NAALADL2: variants seen among roughly 807,000 people sequenced by gnomAD.
NAALADL2 encodes inactive N-acetylated-alpha-linked acidic dipeptidase-like protein 2.
In NAALADL2, 76 loss-of-function variants were observed where a neutral mutation model predicts 87.2. That is an observed-to-expected ratio of 0.87 (90% CI 0.72 to 1.05). The LOEUF is 1.05. Among genes scored for constraint, NAALADL2 ranks in the 50% least tolerant of loss-of-function variants. The probability of loss-of-function intolerance (pLI) is 0.00; values close to 1 mark genes in which losing one functional copy is unlikely to be tolerated. For missense variants in NAALADL2, 1,089 were observed against 945.8 expected (o/e 1.15, Z -1.99); for synonymous variants, 354 against 331.0 (o/e 1.07, Z -0.75).
intron 4 of NAALADL2, among the ~76,000 whole-genome samples, chr3:175,314,677 T>TAC (rs1758845473): frequency 3.0e-4 from 2 of 6,738 alleles, no homozygotes; most frequent in Admixed American, 1.5e-3. Flanking sequence ...TATATATATA[T>TAC]ATATATATAT....
chr3:175,125,014 T>A (rs575702782), intron 2 of NAALADL2, among the ~76,000 whole-genome samples: 16 of 151,982 alleles, frequency 1.1e-4, no homozygotes, highest in African/African-American at 3.9e-4. Flanking sequence ...TAGGGAGAAG[T>A]AGATCGTATA....
chr3:175,157,111 A>T (rs1458604601), intron 2 of NAALADL2, among the ~76,000 whole-genome samples: 1 of 104,286 alleles, frequency 9.6e-6, no homozygotes, highest in Non-Finnish European at 1.8e-5. Flanking sequence ...GTACTTAGTT[A>T]AAAAAAAGTC....
intron 12 of NAALADL2, among the ~76,000 whole-genome samples, chr3:175,743,796 C>T (rs1334911231): frequency 1.3e-5 from 2 of 152,132 alleles, no homozygotes; most frequent in South Asian, 2.1e-4. Flanking sequence ...AGAGTGCAGA[C>T]ATTGGTAAGG....
intron 2 of NAALADL2, among the ~76,000 whole-genome samples, chr3:174,716,730 A>G (rs1731228632): frequency 1.3e-5 from 2 of 152,060 alleles, no homozygotes; most frequent in Admixed American, 1.3e-4. Flanking sequence ...ATATATATCC[A>G]CACACCTACA....
chr3:175,493,362 C>CA (rs1278914244), intron 9 of NAALADL2, among the ~76,000 whole-genome samples: 4 of 152,034 alleles, frequency 2.6e-5, no homozygotes, highest in Admixed American at 6.6e-5. Flanking sequence ...CTGAAGTTGT[C>CA]AAAACTGTAG....
At chr3:175,656,367 T>C (rs1731463680) in intron 11 of NAALADL2, among the ~76,000 whole-genome samples, 1 of 152,212 alleles carries the variant, frequency 6.6e-6, no homozygotes, top group Non-Finnish European at 1.5e-5. Flanking sequence ...GAACTTTTCT[T>C]TGGTAAGTAG....
chr3:175,077,110 G>C (rs1454699610), intron 1 of NAALADL2, among the ~76,000 whole-genome samples: 1 of 152,198 alleles, frequency 6.6e-6, no homozygotes, highest in African/African-American at 2.4e-5. Context: ...CAGATGTACT[G>C]TGAAGTTAAA....
At chr3:175,130,253 A>G (rs78883405) in intron 2 of NAALADL2, among the ~76,000 whole-genome samples, 3,116 of 152,302 alleles carry the variant, frequency 0.02, 52 homozygotes, top group Admixed American at 0.031. Flanking sequence ...CAGATATCAG[A>G]TATAAGGTTT....
chr3:175,560,452 T>C (rs1405058732), intron 9 of NAALADL2, among the ~76,000 whole-genome samples: 1 of 152,194 alleles, frequency 6.6e-6, no homozygotes, highest in Non-Finnish European at 1.5e-5. Flanking sequence ...ATATTGTTTT[T>C]ATTTCGTTTC....
At chr3:175,293,472 AT>A (rs1755915391) in intron 4 of NAALADL2, among the ~76,000 whole-genome samples, 2 of 152,232 alleles carry the variant, frequency 1.3e-5, no homozygotes, top group African/African-American at 2.4e-5. Context: ...ATATATAAAT[AT>A]TTTCCAAACA....
At chr3:174,728,666 A>G (rs79288559) in intron 2 of NAALADL2, among the ~76,000 whole-genome samples, 3 of 152,058 alleles carry the variant, frequency 2.0e-5, no homozygotes, top group Admixed American at 6.6e-5. Flanking sequence ...CCCATTTCAC[A>G]TATGAGGAAA....
chr3:174,747,536 C>T lies in NAALADL2; in HGVS notation c.-9+9790C>T, dbSNP rs181780290. 2.8e-5 allele frequency among the ~76,000 whole-genome samples: 4 copies of T among 142,778 alleles called. No homozygotes were observed. The East Asian group carries it at 8.5e-4, about 30-fold the overall frequency. The allele number at this position is 142,778 out of a possible 152,430, so 93.7% of individuals were successfully genotyped here. ...ACTCAGGAGGCTGAGGCAGGAGAAT[C>T]ACTTGAACCCAGGAGGTGGAGGTTG... is the stretch of plus-strand genomic sequence containing the variant. On this transcript the variant is annotated intron_variant, in intron 3 of 3. Transcript: ENST00000434257.
At chr3:175,129,738 C>T (rs115257785) in intron 2 of NAALADL2, among the ~76,000 whole-genome samples, 3,111 of 152,198 alleles carry the variant, frequency 0.02, 51 homozygotes, top group Admixed American at 0.031. Flanking sequence ...ACATTTAGGT[C>T]GTTCCCATAT....
At chr3:175,092,585 T>C (rs1043995492) in intron 1 of NAALADL2, among the ~76,000 whole-genome samples, 1 of 151,940 alleles carries the variant, frequency 6.6e-6, no homozygotes, top group Non-Finnish European at 1.5e-5. Context: ...TATTTCCATA[T>C]AATTTACTTT....
At chr3:174,444,207 G>T (rs572719060) in intron 1 of NAALADL2, among the ~76,000 whole-genome samples, 1 of 152,254 alleles carries the variant, frequency 6.6e-6, no homozygotes, top group East Asian at 1.9e-4. Flanking sequence ...CATACAACAA[G>T]AGAGACTATC....
chr3:174,772,249 G>A (rs997009549), intron 3 of NAALADL2, among the ~76,000 whole-genome samples: 2 of 152,056 alleles, frequency 1.3e-5, no homozygotes, highest in Admixed American at 1.3e-4. Flanking sequence ...AAATGACTTA[G>A]AAAATAAAAA....
chr3:174,575,260 T>C (rs1715395557), intron 2 of NAALADL2, among the ~76,000 whole-genome samples: 1 of 152,182 alleles, frequency 6.6e-6, no homozygotes, highest in Non-Finnish European at 1.5e-5. Context: ...TTTTATATTG[T>C]AGACAACAAA....
At chr3:174,515,086 T>C (rs1407511273) in intron 1 of NAALADL2, among the ~76,000 whole-genome samples, 2 of 152,148 alleles carry the variant, frequency 1.3e-5, no homozygotes. Flanking sequence ...GAAGCAATAT[T>C]ATCAGGAAGG....
intron 1 of NAALADL2, among the ~76,000 whole-genome samples, chr3:174,967,052 A>G (rs925389115): frequency 6.6e-6 from 1 of 152,222 alleles, no homozygotes; most frequent in African/African-American, 2.4e-5. Flanking sequence ...TATTTGAACA[A>G]TAATTCACAA....
Sources: allele counts gnomAD v4.1 joint callset (sites outside exome capture counted in the v4.1 genomes callset), GRCh38; gene constraint gnomAD v4.1.1; transcripts MANE v1.5; gene names NCBI Gene and HGNC (gene_info 2026-07-23, HGNC 2026-07-21).